PAK5: variants seen among roughly 807,000 people sequenced by gnomAD.
PAK5 encodes p21 (RAC1) activated kinase 5.
A neutral mutation model predicts 65.9 loss-of-function variants in PAK5; 16 were observed. That is an observed-to-expected ratio of 0.24 (90% CI 0.16 to 0.37). The LOEUF is 0.37. Ranked by LOEUF, PAK5 falls within the 10% of genes least tolerant of loss-of-function variation. PAK5 has a pLI of 1.00. For synonymous variants in PAK5, 371 were observed against 354.9 expected, an observed-to-expected ratio of 1.05 and a Z score of -0.51; for missense variants, 785 against 903.9, an observed-to-expected ratio of 0.87 and a Z score of 1.69.
At chr20:9,692,118 T>G (rs927888237) in intron 2 of PAK5, among the ~76,000 whole-genome samples, 2 of 152,226 alleles carry the variant, frequency 1.3e-5, no homozygotes, top group East Asian at 1.9e-4. Context: ...GAATTAATAC[T>G]GAAGCAATTG....
intron 3 of PAK5, among the ~76,000 whole-genome samples, chr20:9,643,211 G>A (rs2224609): frequency 0.72 from 110,244 of 152,146 alleles, 40,181 homozygotes; most frequent in East Asian, 0.97. Flanking sequence ...CAAGCTTTGT[G>A]TAGATTATGA....
chr20:9,636,332 C>A (rs575610282), intron 3 of PAK5, among the ~76,000 whole-genome samples: 112 of 152,128 alleles, frequency 7.4e-4, no homozygotes, highest in African/African-American at 2.3e-3. Context: ...ACATAAACTA[C>A]GATGGGAGAG....
At chr20:9,774,031 G>C (rs1205209464) in intron 1 of PAK5, among the ~76,000 whole-genome samples, 1 of 152,184 alleles carries the variant, frequency 6.6e-6, no homozygotes, top group Non-Finnish European at 1.5e-5. Context: ...GAGGAGATGG[G>C]AGATCCACAA....
chr20:9,761,417 T>C (rs2048697885), intron 1 of PAK5, among the ~76,000 whole-genome samples: 2 of 152,208 alleles, frequency 1.3e-5, no homozygotes, highest in South Asian at 4.1e-4. Flanking sequence ...TCGGTGTTCA[T>C]GGATTGAAAT....
rs188152808 is a variant in PAK5 at position 9,793,237 on chromosome 20, C to T, written c.-162+45525G>A. 9.2e-5 allele frequency among the ~76,000 whole-genome samples: 14 copies of T among 152,224 alleles called. 1 individual carries two copies. Among genetic ancestry groups the T allele is most frequent in the South Asian group, 8.3e-4 (4 of 4,814 alleles). The stretch of plus-strand genomic sequence containing the variant: ...TGTGCTAACTTCCTGGAGATATGAA[C>T]TATATTATTGACTTTATGAATCTCA... On this transcript the variant is annotated intron_variant, in intron 1 of 9. Transcript: ENST00000353224.
intron 2 of PAK5, among the ~76,000 whole-genome samples, chr20:9,688,535 T>C (rs561208415): frequency 2.6e-5 from 4 of 152,052 alleles, no homozygotes; most frequent in African/African-American, 9.6e-5. Context: ...TGGGGCTTCT[T>C]TCCTGCTGCT....
At chr20:9,553,295 G>A (rs1603201672) in intron 7 of PAK5, among the ~76,000 whole-genome samples, 1 of 152,238 alleles carries the variant, frequency 6.6e-6, no homozygotes, top group East Asian at 1.9e-4. Context: ...AGTTACTACG[G>A]TGGGCAACTA....
At chr20:9,546,673 G>C (rs1019294663) in intron 7 of PAK5, among the ~76,000 whole-genome samples, 2 of 152,198 alleles carry the variant, frequency 1.3e-5, no homozygotes, top group Non-Finnish European at 2.9e-5. Context: ...GGAAAGCCAA[G>C]GTAGGGATAG....
chr20:9,721,047 T>C (rs2048206985), intron 1 of PAK5, among the ~76,000 whole-genome samples: 1 of 152,174 alleles, frequency 6.6e-6, no homozygotes, highest in Admixed American at 6.5e-5. Context: ...GCACAACTTT[T>C]TGAATGTACT....
At chr20:9,579,111 A>G (rs1340414864) in intron 4 of PAK5, among the ~76,000 whole-genome samples, 1 of 152,186 alleles carries the variant, frequency 6.6e-6, no homozygotes, top group African/African-American at 2.4e-5. Context: ...TAATCAATAA[A>G]TCAGGTGAAT....
At chr20:9,804,622 A>T (rs1253809755) in intron 1 of PAK5, among the ~76,000 whole-genome samples, 1 of 152,240 alleles carries the variant, frequency 6.6e-6, no homozygotes, top group East Asian at 1.9e-4. Context: ...CTTAGAAGAA[A>T]ACATAAGGGT....
At chr20:9,556,188 T>C (rs555287897) in intron 7 of PAK5, among the ~76,000 whole-genome samples, 2 of 152,182 alleles carry the variant, frequency 1.3e-5, no homozygotes, top group East Asian at 3.9e-4. Flanking sequence ...AGCAATGCAA[T>C]GGTTAAAGCA....
intron 4 of PAK5, among the ~76,000 whole-genome samples, chr20:9,576,991 G>A (rs573129632): frequency 3.3e-5 from 5 of 152,356 alleles, no homozygotes; most frequent in African/African-American, 1.2e-4. Context: ...GGTCTCTGGA[G>A]AGCACAGGAA....
chr20:9,562,628 C>A (rs901510917), intron 6 of PAK5, among the ~76,000 whole-genome samples: 1 of 152,166 alleles, frequency 6.6e-6, no homozygotes, highest in South Asian at 2.1e-4. Context: ...TTATTTGTCA[C>A]TGAAGCTTCA....
chr20:9,580,544 G>A lies in PAK5; in HGVS notation c.591C>T (p.Ala197=), dbSNP rs767126500. The A allele has an allele frequency of 1.1e-5, 18 of 1,613,936 alleles. No individual in the cohort carries two copies. Among genetic ancestry groups the A allele is most frequent in the Admixed American group, 1.7e-5 (1 of 59,998 alleles). Residue 197 remains alanine, a synonymous_variant, in exon 4 of 10, where the codon GCC becomes GCT. Coordinates refer to ENST00000353224, the MANE Select transcript of PAK5 (RefSeq NM_177990.4). ...PLKSDFARFS[A]DYHSHLDSLS... is the part of the protein sequence containing the mutation. Reference sequence around the variant, plus strand: ...GTGAGTCCAAATGTGAGTGATAATCGGCAGAAAATCTGGCAAAATCGGATT... The same window carrying A: ...GTGAGTCCAAATGTGAGTGATAATCAGCAGAAAATCTGGCAAAATCGGATT...
At chr20:9,679,854 G>T (rs568038462) in intron 2 of PAK5, among the ~76,000 whole-genome samples, 31 of 152,292 alleles carry the variant, frequency 2.0e-4, no homozygotes, top group Non-Finnish European at 3.2e-4. Flanking sequence ...GGACAAAAGC[G>T]CATCTCAGGA....
chr20:9,801,622 T>A (rs6118738), intron 1 of PAK5, among the ~76,000 whole-genome samples: 13,592 of 151,556 alleles, frequency 0.09, 1,099 homozygotes, highest in African/African-American at 0.2. Context: ...CCAGGTAAAC[T>A]ATTTCTGTCA....
At chr20:9,572,094 T>C (rs1414007908) in intron 4 of PAK5, among the ~76,000 whole-genome samples, 1 of 151,232 alleles carries the variant, frequency 6.6e-6, no homozygotes, top group Non-Finnish European at 1.5e-5. Flanking sequence ...TTGTTTGTTT[T>C]GAGCAGTTTT....
chr20:9,557,786 A>G, intron 6 of PAK5, 52 bp from the exon 7 acceptor site: 1 of 1,521,112 alleles, frequency 6.6e-7, no homozygotes, highest in Non-Finnish European at 9.1e-7. Flanking sequence ...AACATCTTTG[A>G]AATGCTCAAG....
Sources: allele counts gnomAD v4.1 joint callset (sites outside exome capture counted in the v4.1 genomes callset), GRCh38; gene constraint gnomAD v4.1.1; transcripts MANE v1.5; gene names NCBI Gene and HGNC (gene_info 2026-07-23, HGNC 2026-07-21).